The following COBL variants were observed in gnomAD, a reference collection of about 807,000 sequenced individuals.
COBL encodes the protein cordon-bleu WH2 repeat protein.
Under a neutral mutation model 98.8 loss-of-function variants are expected in COBL, and 51 were observed. That is an observed-to-expected ratio of 0.52 (90% CI 0.41 to 0.65). The LOEUF (loss-of-function observed/expected upper bound fraction) is 0.65. Ranked by LOEUF, COBL falls within the 30% of genes least tolerant of loss-of-function variation. The pLI is 0.00. For missense variants in COBL, 1,617 were observed against 1,617.5 expected (o/e 1.00, Z 0.01); for synonymous variants, 634 against 651.7 (o/e 0.97, Z 0.41).
Position 51,084,939 on chromosome 7 carries a change from C to G in COBL, c.1096+227G>C, listed in dbSNP as rs138291700. 1.3e-3 allele frequency among the ~76,000 whole-genome samples: 205 copies of G among 152,312 alleles called. 1 individual carries two copies. The highest frequency in any genetic ancestry group is 4.0e-3 in the African/African-American group (165 of 41,582). On this transcript the variant is annotated intron_variant, in intron 7 of 12. Transcript: ENST00000265136. ...GCTCCTGCAGCCGTTTCTCCCCTTC[C>G]ACCGTCCCCCGCCTCCTAAATGCTC... is the stretch of plus-strand genomic sequence containing the variant.
chr7:51,053,495 T>C (rs1790429637), intron 7 of COBL, among the ~76,000 whole-genome samples: 1 of 152,236 alleles, frequency 6.6e-6, no homozygotes, highest in Non-Finnish European at 1.5e-5. Flanking sequence ...CTCAATAATA[T>C]AATCAACGTT....
chr7:51,045,817 G>C (rs1380846914), intron 7 of COBL, among the ~76,000 whole-genome samples: 1 of 152,176 alleles, frequency 6.6e-6, no homozygotes, highest in Admixed American at 6.5e-5. Flanking sequence ...AAAAAAAGTT[G>C]AGAGCCTGTG....
intron 1 of COBL, among the ~76,000 whole-genome samples, chr7:51,268,014 T>C (rs1798383046): frequency 6.6e-6 from 1 of 152,194 alleles, no homozygotes; most frequent in Non-Finnish European, 1.5e-5. Flanking sequence ...CTTTATCAAG[T>C]GGAAGATCCC....
intron 5 of COBL, among the ~76,000 whole-genome samples, chr7:51,146,599 A>C (rs1785054220): frequency 7.1e-6 from 1 of 140,272 alleles, no homozygotes. Context: ...GTTGGAAATA[A>C]AAAGAGGAGA....
chr7:51,070,983 C>T (rs367974911), intron 7 of COBL: 3 of 152,340 alleles, frequency 2.0e-5, no homozygotes, highest in East Asian at 3.9e-4. Context: ...CCACTGGCAA[C>T]ATGGTCTCCA....
At chr7:51,032,700 C>T (rs1237599647) in intron 8 of COBL, 2 of 152,294 alleles carry the variant, frequency 1.3e-5, no homozygotes, top group East Asian at 3.9e-4. Flanking sequence ...ATAAGGACCA[C>T]AAGAGGTGCA....
chr7:51,267,831 C>G (rs1358995279), intron 1 of COBL, among the ~76,000 whole-genome samples: 1 of 152,162 alleles, frequency 6.6e-6, no homozygotes, highest in Non-Finnish European at 1.5e-5. Flanking sequence ...GCCTCAGCCT[C>G]CCAAAGTGCT....
At chr7:51,216,183 G>T (rs1793022731) in intron 2 of COBL, among the ~76,000 whole-genome samples, 1 of 152,152 alleles carries the variant, frequency 6.6e-6, no homozygotes, top group Admixed American at 6.5e-5. Context: ...GCTCTTTGAA[G>T]ATCTTTTCTT....
Position 51,192,879 on chromosome 7 carries a change from T to A in COBL, c.456+500A>T, listed in dbSNP as rs528064519. ...GTCCAATCAGGTAGCCATTAGCTAG[T>A]GGCAATTTAAATTTAAAGTTAAAAT... is the stretch of plus-strand genomic sequence containing the variant. On this transcript the variant is annotated intron_variant, in intron 3 of 12. Coordinates refer to ENST00000265136, the MANE Select transcript of COBL (RefSeq NM_015198.5). 1.1e-4 allele frequency among the ~76,000 whole-genome samples: 17 copies of A among 152,322 alleles called. No individual in the cohort carries two copies. In the East Asian group the frequency reaches 3.1e-3, roughly 28 times the overall value.
chr7:51,039,234 A>G (rs78833851), intron 8 of COBL, among the ~76,000 whole-genome samples: 2,238 of 152,320 alleles, frequency 0.015, 43 homozygotes, highest in African/African-American at 0.051. Context: ...CTCAACCGCC[A>G]GAGTCTGAAC....
intron 1 of COBL, among the ~76,000 whole-genome samples, chr7:51,251,880 C>T (rs1796759067): frequency 1.3e-5 from 2 of 152,066 alleles, no homozygotes; most frequent in African/African-American, 4.8e-5. Context: ...ACACACACAA[C>T]CATTTTTGCT....
intron 1 of COBL, among the ~76,000 whole-genome samples, chr7:51,278,472 C>A (rs1799515930): frequency 6.6e-6 from 1 of 151,716 alleles, no homozygotes; most frequent in South Asian, 2.1e-4. Flanking sequence ...CTCTGCCTCC[C>A]ATGTTCTAAG....
chr7:51,205,172 C>A (rs933364250), intron 2 of COBL, among the ~76,000 whole-genome samples: 1 of 152,096 alleles, frequency 6.6e-6, no homozygotes, highest in Non-Finnish European at 1.5e-5. Context: ...AATGCAAAAA[C>A]TCATAAAGAA....
In COBL at chr7:51,260,018, G is replaced by T. The variant is rs566958423; in HGVS notation, c.42-40074C>A. 5 of 777,782 alleles carry T rather than the reference G, an allele frequency of 6.4e-6. No homozygotes were observed. In the Admixed American group the frequency reaches 7.4e-5, roughly 12 times the overall value. The allele number at this position is 777,782 out of a possible 1,614,324, so 48.2% of individuals were successfully genotyped here. ...GAATCATATAGGAATGATTCCAGTC[G>T]TTTAACTTGAGCCCTTTTCCTTTCC... On this transcript the variant is annotated intron_variant, in intron 1 of 12. Coordinates refer to ENST00000265136, the MANE Select transcript of COBL (RefSeq NM_015198.5).
intron 5 of COBL, among the ~76,000 whole-genome samples, chr7:51,140,513 A>G (rs532838509): frequency 6.6e-6 from 1 of 152,334 alleles, no homozygotes; most frequent in East Asian, 1.9e-4. Flanking sequence ...TTAAATTTAC[A>G]CACACACAAA....
At chr7:51,306,479 T>C (rs1383868835) in intron 1 of COBL, among the ~76,000 whole-genome samples, 1 of 152,126 alleles carries the variant, frequency 6.6e-6, no homozygotes, top group Non-Finnish European at 1.5e-5. Flanking sequence ...GAGCTCTGTG[T>C]TTTCATTAAA....
intron 1 of COBL, among the ~76,000 whole-genome samples, chr7:51,248,799 G>A (rs1360038553): frequency 3.9e-5 from 6 of 151,912 alleles, no homozygotes; most frequent in Non-Finnish European, 5.9e-5. Flanking sequence ...CAGAATAATG[G>A]GCATAGGCAC....
intron 11 of COBL, 71 bp downstream of exon 11, chr7:51,026,475 C>T: frequency 1.3e-6 from 2 of 1,579,272 alleles, no homozygotes; most frequent in Non-Finnish European, 1.7e-6. Flanking sequence ...GCAGCCACCA[C>T]CCAAGTGCCT....
intron 1 of COBL, among the ~76,000 whole-genome samples, chr7:51,269,169 A>T (rs1285685599): frequency 6.6e-6 from 1 of 152,086 alleles, no homozygotes; most frequent in African/African-American, 2.4e-5. Context: ...CCCCCCACCA[A>T]GCCTCAGAAC....
Sources: allele counts gnomAD v4.1 joint callset (sites outside exome capture counted in the v4.1 genomes callset), GRCh38; gene constraint gnomAD v4.1.1; transcripts MANE v1.5; gene names NCBI Gene and HGNC (gene_info 2026-07-23, HGNC 2026-07-21).